The following TNIK variants were observed in gnomAD, a reference collection of about 807,000 sequenced individuals.
TNIK encodes TRAF2 and NCK-interacting protein kinase.
TNIK carries 49 observed loss-of-function variants against 191.3 expected under a neutral mutation model. That is an observed-to-expected ratio of 0.26 (90% CI 0.20 to 0.32). The LOEUF (loss-of-function observed/expected upper bound fraction) is 0.32. TNIK is among the 10% of genes least tolerant of loss of function. TNIK has a pLI of 1.00. For synonymous variants in TNIK, 594 were observed against 600.9 expected (o/e 0.99, Z 0.17); for missense variants, 1,155 against 1,702.3 (o/e 0.68, Z 5.66).
intron 4 of TNIK, among the ~76,000 whole-genome samples, chr3:171,206,195 G>A (rs780108476): frequency 2.0e-5 from 3 of 151,828 alleles, no homozygotes; most frequent in Non-Finnish European, 2.9e-5. Context: ...TGAGTGCTTG[G>A]AAGAGTGCCT....
intron 2 of TNIK, among the ~76,000 whole-genome samples, chr3:171,315,363 T>C (rs1213867240): frequency 1.3e-5 from 2 of 152,192 alleles, no homozygotes; most frequent in Non-Finnish European, 2.9e-5. Context: ...GAACTCACCC[T>C]GATCTCTTAC....
chr3:171,145,901 T>G (rs1023721979), intron 12 of TNIK, among the ~76,000 whole-genome samples: 1 of 151,758 alleles, frequency 6.6e-6, no homozygotes, highest in African/African-American at 2.4e-5. Flanking sequence ...TGCAATGCCA[T>G]AAAATTGCAT....
rs569444269 is a variant in TNIK at position 171,090,084 on chromosome 3, T to A, written c.2722-2578A>T. 5.3e-5 allele frequency among the ~76,000 whole-genome samples: 8 copies of A among 152,268 alleles called. No homozygotes were observed. In the South Asian group the frequency reaches 1.7e-3, roughly 32 times the overall value. On this transcript the variant is annotated intron_variant, in intron 23 of 32. Coordinates refer to ENST00000436636, the MANE Select transcript of TNIK (RefSeq NM_015028.4). ...GATCAGTTTCTGCTGGCAGTTGAAC[T>A]GGGATGTGGTGAGTATCTTGCAATG...
chr3:171,088,394 C>T (rs997108025), intron 23 of TNIK, among the ~76,000 whole-genome samples: 4 of 151,990 alleles, frequency 2.6e-5, no homozygotes, highest in African/African-American at 9.7e-5. Flanking sequence ...GCTACCACAC[C>T]CGGCTAATTT....
At chr3:171,245,644 T>C (rs1745506066) in intron 2 of TNIK, among the ~76,000 whole-genome samples, 1 of 151,938 alleles carries the variant, frequency 6.6e-6, no homozygotes, top group African/African-American at 2.4e-5. Flanking sequence ...AGGGGAAGAA[T>C]AGATTGATTT....
intron 1 of TNIK, among the ~76,000 whole-genome samples, chr3:171,455,983 G>C (rs1728754606): frequency 6.6e-6 from 1 of 152,210 alleles, no homozygotes; most frequent in Admixed American, 6.5e-5. Flanking sequence ...TGTAGCAAAG[G>C]GATGTATGCA....
intron 28 of TNIK, among the ~76,000 whole-genome samples, chr3:171,078,392 A>G (rs1042271392): frequency 1.3e-5 from 2 of 151,670 alleles, no homozygotes; most frequent in African/African-American, 4.8e-5. Flanking sequence ...ATCTTCTAAC[A>G]CTTTTATTAC....
chr3:171,149,332 G>GT (rs1379682075), intron 12 of TNIK, among the ~76,000 whole-genome samples: 5 of 152,028 alleles, frequency 3.3e-5, no homozygotes, highest in African/African-American at 7.2e-5. Flanking sequence ...CTAACTCCAG[G>GT]TTTTTTTTCA....
At chr3:171,092,054 A>G (rs1048349254) in intron 23 of TNIK, among the ~76,000 whole-genome samples, 2 of 150,496 alleles carry the variant, frequency 1.3e-5, no homozygotes, top group African/African-American at 4.9e-5. Context: ...GGTTCACGCC[A>G]TTCTCCTGCC....
At chr3:171,319,261 T>C (rs1476890141) in intron 2 of TNIK, among the ~76,000 whole-genome samples, 1 of 152,184 alleles carries the variant, frequency 6.6e-6, no homozygotes, top group Admixed American at 6.5e-5. Context: ...CTTTATCCTT[T>C]GTACTTTAGA....
At chr3:171,333,313 T>A (rs7630261) in intron 2 of TNIK, among the ~76,000 whole-genome samples, 98,299 of 151,780 alleles carry the variant, frequency 0.65, 32,257 homozygotes, top group African/African-American at 0.76. Context: ...CCCAGCACTT[T>A]GGTAGGCTGA....
intron 15 of TNIK, among the ~76,000 whole-genome samples, chr3:171,134,175 G>T (rs1423341267): frequency 1.3e-5 from 2 of 152,164 alleles, no homozygotes; most frequent in African/African-American, 4.8e-5. Flanking sequence ...AAATTCTGCC[G>T]ATGTTCAACA....
chr3:171,372,083 C>T (rs1301554349), intron 1 of TNIK, among the ~76,000 whole-genome samples: 2 of 152,172 alleles, frequency 1.3e-5, no homozygotes, highest in African/African-American at 2.4e-5. Flanking sequence ...AAAGGTCACT[C>T]GCCTCAGGGT....
intron 21 of TNIK, among the ~76,000 whole-genome samples, chr3:171,105,688 A>G (rs1360155388): frequency 6.6e-6 from 1 of 152,088 alleles, no homozygotes; most frequent in Non-Finnish European, 1.5e-5. Context: ...AAGTAGAGCA[A>G]TTTTTCAAAG....
At chr3:171,337,168 A>C (rs1757037399) in intron 2 of TNIK, among the ~76,000 whole-genome samples, 1 of 152,266 alleles carries the variant, frequency 6.6e-6, no homozygotes, top group Non-Finnish European at 1.5e-5. Context: ...GCATTATCAC[A>C]GCTCAAAGGC....
intron 2 of TNIK, among the ~76,000 whole-genome samples, chr3:171,322,061 TA>T (rs995479030): frequency 1.3e-5 from 2 of 152,202 alleles, no homozygotes; most frequent in Non-Finnish European, 2.9e-5. Context: ...GATTTTATTG[TA>T]CATTTGCATT....
chr3:171,120,430 C>T (rs1378384197), intron 18 of TNIK, among the ~76,000 whole-genome samples: 3 of 151,034 alleles, frequency 2.0e-5, no homozygotes, highest in Non-Finnish European at 2.9e-5. Flanking sequence ...GCGCCATTCT[C>T]CTGCCTCAGC....
At chr3:171,409,693 G>A (rs985112652) in intron 1 of TNIK, among the ~76,000 whole-genome samples, 3 of 150,204 alleles carry the variant, frequency 2.0e-5, no homozygotes, top group Non-Finnish European at 3.0e-5. Context: ...CCTCATTCCC[G>A]TCCTCCCCAG....
chr3:171,350,878 A>G (rs989253251), intron 2 of TNIK, among the ~76,000 whole-genome samples: 1 of 152,184 alleles, frequency 6.6e-6, no homozygotes, highest in Non-Finnish European at 1.5e-5. Flanking sequence ...CCCAAGGGAT[A>G]CAACCCCAAA....
Sources: gnomAD v4.1 joint callset for allele counts (sites outside exome capture counted in the v4.1 genomes callset) on GRCh38, gnomAD v4.1.1 for gene constraint, MANE v1.5 for transcripts, NCBI Gene and HGNC (gene_info 2026-07-23, HGNC 2026-07-21) for gene names.